RERE: variants seen among roughly 807,000 people sequenced by gnomAD.
The protein encoded by RERE is arginine-glutamic acid dipeptide repeats.
Under a neutral mutation model 146.1 loss-of-function variants are expected in RERE, and 40 were observed. The observed-to-expected ratio is 0.27, with a 90% confidence interval of 0.21 to 0.36. RERE has a LOEUF of 0.36. Ranked by LOEUF, RERE falls within the 10% of genes least tolerant of loss-of-function variation. The pLI is 1.00. For missense variants in RERE, 1,933 were observed against 2,138.7 expected (o/e 0.90, Z 1.90); for synonymous variants, 1,003 against 866.0 (o/e 1.16, Z -2.78).
At chr1:8,622,486 TAA>T (rs1167355778) in intron 3 of RERE, among the ~76,000 whole-genome samples, 1 of 43,032 alleles carries the variant, frequency 2.3e-5, no homozygotes, top group Non-Finnish European at 4.3e-5. Context: ...TGTATCTGTT[TAA>T]AAAAAAAAAA....
chr1:8,735,789 G>A (rs1262727411), intron 1 of RERE, among the ~76,000 whole-genome samples: 1 of 152,130 alleles, frequency 6.6e-6, no homozygotes, highest in Admixed American at 6.6e-5. Context: ...CCAGCCATGT[G>A]AAGATGCCTG....
intron 10 of RERE, among the ~76,000 whole-genome samples, chr1:8,492,890 A>G (rs530693929): frequency 6.6e-6 from 1 of 152,144 alleles, no homozygotes; most frequent in Admixed American, 6.5e-5. Context: ...AGACTGGGCA[A>G]CAGAGCAAGA....
intron 1 of RERE, among the ~76,000 whole-genome samples, chr1:8,671,390 C>A (rs995704787): frequency 6.6e-6 from 1 of 151,896 alleles, no homozygotes; most frequent in South Asian, 2.1e-4. Context: ...TGGACAACTT[C>A]TGTATTAATG....
chr1:8,651,213 A>C (rs1270342318), intron 2 of RERE, among the ~76,000 whole-genome samples: 1 of 152,112 alleles, frequency 6.6e-6, no homozygotes, highest in East Asian at 1.9e-4. Context: ...CAGGAGTTCA[A>C]GACCAGCCTG....
intron 4 of RERE, among the ~76,000 whole-genome samples, chr1:8,604,996 T>C (rs1341423457): frequency 6.6e-6 from 1 of 152,230 alleles, no homozygotes; most frequent in Non-Finnish European, 1.5e-5. Flanking sequence ...TGATAATTTT[T>C]TGTAATCCTA....
Position 8,495,063 on chromosome 1 carries a change from T to G in RERE, c.1104A>C (p.Thr368=), listed in dbSNP as rs201404177. ...CTCAGGGTGACTTCAAAAGACTTAC[T>G]GTGTTCAGTGCATTCAGAGTGGTGT... ...RDDTTLNALN[T]LHESGYDAGK... is the part of the protein sequence containing the mutation. Residue 368 remains threonine (T), a splice_region_variant and synonymous_variant, in exon 10 of 23, where the codon ACA becomes ACC. Coordinates refer to ENST00000400908, the MANE Select transcript of RERE (RefSeq NM_001042681.2). 4.5e-5 allele frequency: 73 copies of G among 1,607,970 alleles called. No homozygotes were observed. The Admixed American group carries it at 6.3e-4, about 14-fold the overall frequency.
At chr1:8,611,699 T>C (rs1646795477) in intron 4 of RERE, among the ~76,000 whole-genome samples, 1 of 152,176 alleles carries the variant, frequency 6.6e-6, no homozygotes, top group African/African-American at 2.4e-5. Context: ...AGAGGATGGG[T>C]GCAGCCAACA....
intron 7 of RERE, among the ~76,000 whole-genome samples, chr1:8,534,360 T>C (rs1184315030): frequency 6.6e-6 from 1 of 152,170 alleles, no homozygotes; most frequent in Admixed American, 6.5e-5. Flanking sequence ...GAAAAGGGAA[T>C]AAACTAGCAG....
intron 3 of RERE, among the ~76,000 whole-genome samples, chr1:8,620,423 C>A (rs1357219224): frequency 6.6e-6 from 1 of 152,176 alleles, no homozygotes; most frequent in Non-Finnish European, 1.5e-5. Context: ...CCTATGCCAG[C>A]CCTAACCTTG....
chr1:8,733,015 G>A (rs939193214), intron 1 of RERE, among the ~76,000 whole-genome samples: 5 of 151,608 alleles, frequency 3.3e-5, no homozygotes, highest in Non-Finnish European at 7.4e-5. Context: ...TAGAGACGGG[G>A]TTTCACCGTG....
intron 10 of RERE, among the ~76,000 whole-genome samples, chr1:8,488,883 G>A (rs890528056): frequency 3.9e-5 from 6 of 152,106 alleles, no homozygotes; most frequent in East Asian, 3.8e-4. Flanking sequence ...CATAATTAAC[G>A]CATCACAATT....
chr1:8,535,333 A>G (rs1380845196), intron 7 of RERE, among the ~76,000 whole-genome samples: 1 of 152,178 alleles, frequency 6.6e-6, no homozygotes, highest in Non-Finnish European at 1.5e-5. Flanking sequence ...TTTTATTAGG[A>G]ACACCGGCAA....
intron 1 of RERE, chr1:8,786,913 T>G (rs1246321935): frequency 1.2e-6 from 1 of 807,006 alleles, no homozygotes; most frequent in African/African-American, 1.7e-5. Context: ...AGGAACCTTC[T>G]TCTTCTCTTC....
intron 12 of RERE, among the ~76,000 whole-genome samples, chr1:8,420,434 T>C (rs1335795463): frequency 3.3e-5 from 5 of 152,206 alleles, no homozygotes; most frequent in African/African-American, 1.2e-4. Flanking sequence ...TCTCATCTTC[T>C]GCAGCAAAAA....
chr1:8,378,213 T>C (rs1166048966), intron 12 of RERE, among the ~76,000 whole-genome samples: 1 of 152,216 alleles, frequency 6.6e-6, no homozygotes, highest in African/African-American at 2.4e-5. Flanking sequence ...ATGTGAAATG[T>C]CTCATCTCTT....
rs1170975033 is a variant in RERE at position 8,361,044 on chromosome 1, C to T, written c.2463G>A (p.Ser821=). 1.7e-5 allele frequency: 24 copies of T among 1,428,786 alleles called. No individual in the cohort carries two copies. The East Asian group carries it at 2.3e-4, about 14-fold the overall frequency. 88.5% of individuals were successfully genotyped at this position (1,428,786 alleles called of 1,614,324 possible). A position where few individuals can be genotyped will look rare whatever the true frequency, so the allele number is the denominator to read the frequency against. ...TCAGAGGCTGCAGCGGGGGATGTGGCGAGGGATGCGGCGGGGGATGCGGTG... is the reference window on the plus strand; with the variant it reads ...TCAGAGGCTGCAGCGGGGGATGTGGTGAGGGATGCGGCGGGGGATGCGGTG... ...PPSPHPPPHP[S]PHPPLQPLTG... Residue 821 remains serine (S), a synonymous_variant, in exon 18 of 23, where the codon TCG becomes TCA. Coordinates refer to ENST00000400908, the MANE Select transcript of RERE (RefSeq NM_001042681.2).
In RERE at chr1:8,607,530, A is replaced by ATTTTTTTTTTT. The variant is rs1646732347; in HGVS notation, c.522+7030_522+7031insAAAAAAAAAAA. On this transcript the variant is annotated intron_variant, in intron 4 of 22. Coordinates refer to ENST00000400908, the MANE Select transcript of RERE (RefSeq NM_001042681.2). ...GCCCCGCATATTTGTTTTTATATAT[A>ATTTTTTTTTTT]TTTCTTTTTTTTTTTTTTTTTTTTT... is the stretch of plus-strand genomic sequence containing the variant. Among the ~76,000 whole-genome samples the ATTTTTTTTTTT allele has an allele frequency of 1.2e-4, 7 of 57,598 alleles. No individual in the cohort carries two copies. In the East Asian group the frequency reaches 2.9e-3, roughly 24 times the overall value. The allele number at this position is 57,598 out of a possible 152,430, so 37.8% of individuals were successfully genotyped here. A position where few individuals can be genotyped will look rare whatever the true frequency, so the allele number is the denominator to read the frequency against.
intron 1 of RERE, among the ~76,000 whole-genome samples, chr1:8,801,560 C>T (rs938102879): frequency 1.3e-5 from 2 of 151,618 alleles, no homozygotes; most frequent in South Asian, 2.1e-4. Flanking sequence ...TGAGCCACCG[C>T]GCCTGGCCAA....
intron 1 of RERE, among the ~76,000 whole-genome samples, chr1:8,766,545 GCA>G (rs1640849132): frequency 1.0e-5 from 1 of 99,002 alleles, no homozygotes. Flanking sequence ...AGACTCCATT[GCA>G]AAAAAAAAAA....
Sources: allele counts gnomAD v4.1 joint callset (sites outside exome capture counted in the v4.1 genomes callset), GRCh38; gene constraint gnomAD v4.1.1; transcripts MANE v1.5; gene names NCBI Gene and HGNC (gene_info 2026-07-23, HGNC 2026-07-21).